Variants in CC2D2B observed in about 807,000 individuals in gnomAD.
CC2D2B encodes coiled-coil and C2 domain containing 2B.
A neutral mutation model predicts 161.2 loss-of-function variants in CC2D2B; 128 were observed. The observed-to-expected ratio is 0.79, with a 90% confidence interval of 0.69 to 0.92. The LOEUF (loss-of-function observed/expected upper bound fraction) is 0.92. Among genes scored for constraint, CC2D2B ranks in the 40% least tolerant of loss-of-function variants. The pLI is 0.00. For missense variants in CC2D2B, 1,173 were observed against 1,375.1 expected, an observed-to-expected ratio of 0.85 and a Z score of 2.32; for synonymous variants, 391 against 449.8, an observed-to-expected ratio of 0.87 and a Z score of 1.65.
chr10:95,937,030 T>A (rs2075848234), intron 6 of CC2D2B, among the ~76,000 whole-genome samples: 1 of 152,214 alleles, frequency 6.6e-6, no homozygotes, highest in East Asian at 1.9e-4. Flanking sequence ...GAAAAGGATA[T>A]CATGAAGATT....
intron 14 of CC2D2B, 97 bp from the exon 15 acceptor site, chr10:95,968,627 A>G (rs1177674722): frequency 4.4e-6 from 2 of 454,522 alleles, no homozygotes; most frequent in African/African-American, 4.0e-5. Context: ...CTCTGAAATT[A>G]TCTTCTGTTT....
intron 17 of CC2D2B, among the ~76,000 whole-genome samples, chr10:95,976,218 C>A (rs1279281126): frequency 6.6e-6 from 1 of 152,158 alleles, no homozygotes; most frequent in African/African-American, 2.4e-5. Context: ...CAGAGTTCTC[C>A]TATGTGTGGC....
intron 6 of CC2D2B, among the ~76,000 whole-genome samples, chr10:95,932,874 C>T (rs1394481556): frequency 1.3e-5 from 2 of 152,076 alleles, no homozygotes; most frequent in East Asian, 1.9e-4. Context: ...TTGCTCTTCT[C>T]GAGGAGTATC....
chr10:95,916,287 C>G (rs1566306801), intron 2 of CC2D2B, among the ~76,000 whole-genome samples: 1 of 151,878 alleles, frequency 6.6e-6, no homozygotes, highest in Non-Finnish European at 1.5e-5. Flanking sequence ...TGGGTTTTCT[C>G]TCTCTTTGTC....
At chr10:96,030,396 T>G (rs2080015604) in intron 34 of CC2D2B, among the ~76,000 whole-genome samples, 1 of 151,830 alleles carries the variant, frequency 6.6e-6, no homozygotes, top group Non-Finnish European at 1.5e-5. Flanking sequence ...GCCCAGTGGG[T>G]TTTTGAAAAC....
In CC2D2B at chr10:95,980,474, C is replaced by T. The variant is rs564303521; in HGVS notation, c.1944-1501C>T. Among the ~76,000 whole-genome samples the T allele has an allele frequency of 5.9e-5, 9 of 152,140 alleles. No homozygotes were observed. In the East Asian group the frequency reaches 1.2e-3, roughly 20 times the overall value. Reference sequence around the variant, plus strand: ...TAACGGGAAAAGTTTCTAATCTATTCGTTAAGATTTAAGCTTTACCTGAGG... The same window carrying T: ...TAACGGGAAAAGTTTCTAATCTATTTGTTAAGATTTAAGCTTTACCTGAGG... On this transcript the variant is annotated intron_variant, in intron 17 of 34. Transcript: ENST00000646931.
At chr10:95,967,507 A>G (rs1264683036) in intron 14 of CC2D2B, among the ~76,000 whole-genome samples, 2 of 152,182 alleles carry the variant, frequency 1.3e-5, no homozygotes, top group Non-Finnish European at 2.9e-5. Context: ...TCTCCAGAAA[A>G]GAATAATATG....
intron 24 of CC2D2B, among the ~76,000 whole-genome samples, chr10:96,001,046 A>G (rs536909690): frequency 6.6e-6 from 1 of 152,288 alleles, no homozygotes; most frequent in South Asian, 2.1e-4. Flanking sequence ...ATATACACCT[A>G]TGTTCCTGCT....
At chr10:95,937,533 CTT>C (rs74309113) in intron 6 of CC2D2B, among the ~76,000 whole-genome samples, 2 of 145,494 alleles carry the variant, frequency 1.4e-5, no homozygotes, top group African/African-American at 2.5e-5. Context: ...TTTCTTCTTT[CTT>C]TTTTTTTTTC....
At position 96,024,875 on chromosome 10, in the gene CC2D2B, A is replaced by C. The variant is rs2079626108; in HGVS notation, c.3911A>C (p.Glu1304Ala). The C allele has an allele frequency of 2.0e-6, 3 of 1,527,154 alleles. No individual in the cohort carries two copies. The highest frequency in any genetic ancestry group is 2.7e-6 in the Non-Finnish European group (3 of 1,126,362). The allele number at this position is 1,527,154 out of a possible 1,614,324, so 94.6% of individuals were successfully genotyped here. A position where few individuals can be genotyped will look rare whatever the true frequency, so the allele number is the denominator to read the frequency against. The change falls in exon 33 of 35, where the codon GAA (glutamate) becomes GCA (alanine). Residue 1304 changes from glutamate to alanine, a missense_variant. Coordinates refer to ENST00000646931, the MANE Select transcript of CC2D2B (RefSeq NM_001349008.3). The stretch of plus-strand genomic sequence containing the variant: ...CAGCCTGAAGAAATAATTTATTTTG[A>C]AACTGATAAAAGCATGGTAGAAGAT... Reference protein sequence around the residue: ...SIQPEEIIYFETDKSMVEDLR... With the variant: ...SIQPEEIIYFATDKSMVEDLR...
intron 24 of CC2D2B, among the ~76,000 whole-genome samples, chr10:95,997,241 G>A (rs545063916): frequency 7.2e-5 from 11 of 151,968 alleles, no homozygotes; most frequent in Non-Finnish European, 1.3e-4. Flanking sequence ...ACTTTCTTCT[G>A]TTGATGAACA....
rs1439975075 is a variant in CC2D2B at position 95,938,221 on chromosome 10, CATT to C, written c.535+34_535+36del. The C allele has an allele frequency of 8.7e-6, 12 of 1,383,456 alleles. No homozygotes were observed. The Admixed American group carries it at 1.8e-4, about 21-fold the overall frequency. 85.7% of individuals were successfully genotyped at this position (1,383,456 alleles called of 1,614,324 possible). On this transcript the variant is annotated intron_variant, in intron 7 of 34. Transcript: ENST00000646931. ...TTCTTTCCCAGTAAAATATTCAAGTCATTAACGAATTATGTTATGGGATAATAG... is the reference window on the plus strand; with the variant it reads ...TTCTTTCCCAGTAAAATATTCAAGTCAACGAATTATGTTATGGGATAATAG...
chr10:96,003,675 C>T (rs1183687286), intron 24 of CC2D2B, among the ~76,000 whole-genome samples: 6 of 151,382 alleles, frequency 4.0e-5, no homozygotes, highest in African/African-American at 1.2e-4. Flanking sequence ...AGGCTTGCCT[C>T]GAACTCCTGA....
chr10:95,974,088 A>T lies in CC2D2B; in HGVS notation c.1875A>T (p.Ser625=). Residue 625 remains serine, a synonymous_variant, in exon 17 of 35, where the codon TCA becomes TCT. Coordinates refer to ENST00000646931, the MANE Select transcript of CC2D2B (RefSeq NM_001349008.3). The part of the protein sequence containing the change: ...LTSGKLSYSL[S]WSLDENGLPL... ...CAGGAAAACTTAGCTATTCTCTATCATGGAGCTTAGATGAAAATGGTCTTC... is the reference window on the plus strand; with the variant it reads ...CAGGAAAACTTAGCTATTCTCTATCTTGGAGCTTAGATGAAAATGGTCTTC... 1.6e-6 allele frequency: 2 copies of T among 1,230,480 alleles called. No homozygotes were observed. The highest frequency in any genetic ancestry group is 1.0e-6 in the Non-Finnish European group (1 of 986,480). The allele number at this position is 1,230,480 out of a possible 1,614,324, so 76.2% of individuals were successfully genotyped here. A position where few individuals can be genotyped will look rare whatever the true frequency, so the allele number is the denominator to read the frequency against.
intron 34 of CC2D2B, among the ~76,000 whole-genome samples, chr10:96,029,456 A>T (rs1320200597): frequency 6.6e-6 from 1 of 151,720 alleles, no homozygotes; most frequent in Non-Finnish European, 1.5e-5. Flanking sequence ...ATGTTTTATG[A>T]TGTATAAATT....
intron 34 of CC2D2B, among the ~76,000 whole-genome samples, chr10:96,027,949 A>G (rs1176872356): frequency 6.6e-6 from 1 of 152,212 alleles, no homozygotes; most frequent in East Asian, 1.9e-4. Context: ...GAAGAAGGAA[A>G]CTAGGCCCCC....
At position 96,027,223 on chromosome 10, in the gene CC2D2B, C is replaced by T; in HGVS notation, c.3959C>T (p.Thr1320Ile). 6.5e-7 allele frequency: 1 copy of T among 1,538,932 alleles called. No individual in the cohort carries two copies. Among genetic ancestry groups the T allele is most frequent in the Non-Finnish European group, 8.8e-7 (1 of 1,141,202 alleles). Residue 1320 changes from threonine to isoleucine, a missense_variant, in exon 34 of 35, where the codon ACT becomes ATT. Thr to Ile is a moderately conservative substitution (Grantham distance 89). Transcript: ENST00000646931. ...VEDLRNRIER[T>I]LKSKVMEWRP... ...GATTCTTACCTTAGGATCGAAAGGACTCTGAAGAGTAAAGTGATGGAATGG... is the reference window on the plus strand; with the variant it reads ...GATTCTTACCTTAGGATCGAAAGGATTCTGAAGAGTAAAGTGATGGAATGG...
At chr10:95,949,604 A>G (rs1205837408) in intron 9 of CC2D2B, among the ~76,000 whole-genome samples, 1 of 140,554 alleles carries the variant, frequency 7.1e-6, no homozygotes, top group Non-Finnish European at 1.5e-5. Context: ...ACATGTATAC[A>G]TATGTAACTA....
intron 12 of CC2D2B, 111 bp from the exon 13 acceptor site, chr10:95,965,785 T>TTG (rs59230785): frequency 0.083 from 28,446 of 343,002 alleles, 641 homozygotes; most frequent in Middle Eastern, 0.11. Flanking sequence ...GAGATTGGTT[T>TTG]TGTGTGTGTG....
Sources: gnomAD v4.1 joint callset for allele counts (sites outside exome capture counted in the v4.1 genomes callset) on GRCh38, gnomAD v4.1.1 for gene constraint, MANE v1.5 for transcripts, NCBI Gene and HGNC (gene_info 2026-07-23, HGNC 2026-07-21) for gene names.